The following CDC14B variants were observed in gnomAD, a reference collection of about 807,000 sequenced individuals.
CDC14B encodes cell division cycle 14B.
A neutral mutation model predicts 64.2 loss-of-function variants in CDC14B; 22 were observed. That is an observed-to-expected ratio of 0.34 (90% CI 0.24 to 0.49). CDC14B has a LOEUF of 0.49. CDC14B is among the 20% of genes least tolerant of loss of function. CDC14B has a pLI of 0.99. For synonymous variants in CDC14B, 191 were observed against 215.8 expected, an observed-to-expected ratio of 0.89 and a Z score of 1.01; for missense variants, 498 against 629.9, an observed-to-expected ratio of 0.79 and a Z score of 2.24.
Position 96,534,101 on chromosome 9 carries a change from T to C in CDC14B, c.772A>G (p.Thr258Ala), listed in dbSNP as rs770162257. 1.2e-6 allele frequency: 2 copies of C among 1,611,882 alleles called. No homozygotes were observed. Among genetic ancestry groups the C allele is most frequent in the South Asian group, 1.1e-5 (1 of 90,920 alleles). Residue 258 changes from threonine (T) to alanine (A), a missense_variant, in exon 9 of 14, where the codon ACT becomes GCT. Thr to Ala is a moderately conservative substitution (Grantham distance 58). Transcript: ENST00000375241. ...CTTTTATTCAGACGAATAATGGTAG[T>C]AACATTGTGATTCTTAAAATATTGA... The part of the protein sequence containing the change: ...YIQYFKNHNV[T>A]TIIRLNKRMY...
At chr9:96,536,195 C>T (rs1564274662) in intron 7 of CDC14B, among the ~76,000 whole-genome samples, 1 of 152,200 alleles carries the variant, frequency 6.6e-6, no homozygotes, top group Admixed American at 6.5e-5. Flanking sequence ...GGAACCTAAA[C>T]AGTTCCCTGT....
intron 4 of CDC14B, among the ~76,000 whole-genome samples, chr9:96,558,171 G>A (rs1842730434): frequency 6.6e-6 from 1 of 152,220 alleles, no homozygotes; most frequent in African/African-American, 2.4e-5. Context: ...GTCAGGGGGA[G>A]TGAAGAGAGG....
chr9:96,524,976 TATTTAGCAGGGGAG>T (rs1837339728), intron 9 of CDC14B, among the ~76,000 whole-genome samples: 1 of 152,200 alleles, frequency 6.6e-6, no homozygotes, highest in South Asian at 2.1e-4. Flanking sequence ...CAACCTTGCA[TATTTAGCAGGGGAG>T]ATTTGTAAGG....
intron 4 of CDC14B, among the ~76,000 whole-genome samples, chr9:96,557,024 G>T (rs191602049): frequency 2.6e-5 from 4 of 152,324 alleles, no homozygotes; most frequent in African/African-American, 9.6e-5. Context: ...AAGCTTAACG[G>T]ATCTGCAGTC....
chr9:96,575,791 C>T (rs1031958755), intron 1 of CDC14B, among the ~76,000 whole-genome samples: 2 of 152,094 alleles, frequency 1.3e-5, no homozygotes, highest in African/African-American at 4.8e-5. Context: ...TCAAGACCAA[C>T]CTGGACAAGA....
chr9:96,522,575 A>G lies in CDC14B; in HGVS notation c.1274T>C (p.Val425Ala). 1 of 1,612,982 alleles carries G rather than the reference A, an allele frequency of 6.2e-7. No homozygotes were observed. The highest frequency in any genetic ancestry group is 2.2e-5 in the East Asian group (1 of 44,876). ...GGCCCGAAGTCTATCACCTTGTGTC[A>G]CTCCATTGATTTCGTCATCATCACT... ...PYSDDDEING[V>A]TQGDRLRALK... Residue 425 changes from valine to alanine, a missense_variant, in exon 12 of 14, where the codon GTG becomes GCG. Coordinates refer to ENST00000375241, the MANE Select transcript of CDC14B (RefSeq NM_033331.4).
intron 1 of CDC14B, among the ~76,000 whole-genome samples, chr9:96,614,644 C>G: frequency 6.6e-6 from 1 of 151,902 alleles, no homozygotes; most frequent in Non-Finnish European, 1.5e-5. Flanking sequence ...GAATGGAGGT[C>G]CCTATTTAAG....
At position 96,562,796 on chromosome 9, in the gene CDC14B, A is replaced by G; in HGVS notation, c.328-11T>C. ...TAACATTGTAATGGACTGCATAAAA[A>G]TAAATAACTGTTAGCATTTTCTTTT... is the stretch of plus-strand genomic sequence containing the variant. On this transcript the variant is annotated splice_polypyrimidine_tract_variant and intron_variant, in intron 3 of 13. Transcript: ENST00000375241. 1 of 1,501,090 alleles carries G rather than the reference A, an allele frequency of 6.7e-7. No individual in the cohort carries two copies. Among genetic ancestry groups the G allele is most frequent in the Non-Finnish European group, 9.2e-7 (1 of 1,084,556 alleles). The allele number at this position is 1,501,090 out of a possible 1,614,324, so 93.0% of individuals were successfully genotyped here. A position where few individuals can be genotyped will look rare whatever the true frequency, so the allele number is the denominator to read the frequency against.
intron 1 of CDC14B, among the ~76,000 whole-genome samples, chr9:96,573,869 C>T (rs1264070025): frequency 2.6e-5 from 4 of 152,020 alleles, no homozygotes; most frequent in South Asian, 4.1e-4. Context: ...ACAAGAAGGC[C>T]GGGTGCAGTG....
chr9:96,526,349 C>T (rs57358776), intron 9 of CDC14B, among the ~76,000 whole-genome samples: 7,918 of 152,188 alleles, frequency 0.052, 699 homozygotes, highest in African/African-American at 0.18. Context: ...GCCTGGGAGA[C>T]AGAGCGAGAC....
chr9:96,602,861 A>AAAAG (rs767705358), intron 1 of CDC14B, among the ~76,000 whole-genome samples: 16 of 152,036 alleles, frequency 1.1e-4, no homozygotes, highest in Non-Finnish European at 1.8e-4. Context: ...GAGCACCTAT[A>AAAAG]TCATAGAAAC....
At chr9:96,534,600 T>G in intron 7 of CDC14B, 58 bp from the exon 8 acceptor site, 6 of 1,107,788 alleles carry the variant, frequency 5.4e-6, no homozygotes, top group Non-Finnish European at 6.8e-6. Flanking sequence ...ACAACCTCTC[T>G]ACTCAAGACT....
intron 12 of CDC14B, among the ~76,000 whole-genome samples, chr9:96,521,970 C>T (rs1160234135): frequency 6.6e-6 from 1 of 152,212 alleles, no homozygotes. Flanking sequence ...CATAGACATA[C>T]ATACACTCAG....
chr9:96,522,764 C>A lies in CDC14B; in HGVS notation c.1246-161G>T, dbSNP rs1352091473. Among the ~76,000 whole-genome samples, 5 of 152,166 alleles carry A rather than the reference C, an allele frequency of 3.3e-5. 1 individual carries two copies. The highest frequency in any genetic ancestry group is 6.5e-5 in the Admixed American group (1 of 15,278). ...AGCTTCAGGTGACATTTTAAGACAG[C>A]CAAAGTTGACTTTCAGAGACAACAC... On this transcript the variant is annotated intron_variant, in intron 11 of 13. Transcript: ENST00000375241.
chr9:96,563,479 C>T (rs948359557), intron 3 of CDC14B, among the ~76,000 whole-genome samples: 3 of 151,852 alleles, frequency 2.0e-5, no homozygotes, highest in African/African-American at 7.3e-5. Flanking sequence ...GGAGAAACTC[C>T]GTCTCTACTA....
rs1267959498 is a variant in CDC14B, at chr9:96,503,802, A to G, written c.1461-13T>C. ...TGAAATGGAGAGACTACAGGGGGAA[A>G]AAAAAGGATTTTTACCAGAAAGTTT... is the stretch of plus-strand genomic sequence containing the variant. On this transcript the variant is annotated splice_polypyrimidine_tract_variant and intron_variant, in intron 13 of 13. Transcript: ENST00000375241. The G allele has an allele frequency of 1.2e-6, 2 of 1,611,194 alleles. No individual in the cohort carries two copies. The highest frequency in any genetic ancestry group is 2.7e-5 in the African/African-American group (2 of 74,748).
intron 1 of CDC14B, among the ~76,000 whole-genome samples, chr9:96,615,429 G>A (rs1327461246): frequency 1.3e-5 from 2 of 152,192 alleles, no homozygotes; most frequent in Non-Finnish European, 1.5e-5. Flanking sequence ...ACACACACAC[G>A]AAGTATCCTG....
chr9:96,512,795 G>A (rs547460727), intron 12 of CDC14B, among the ~76,000 whole-genome samples: 137 of 151,714 alleles, frequency 9.0e-4, no homozygotes, highest in Admixed American at 2.8e-3. Context: ...GTTCTCATCC[G>A]CTCCCCTCGG....
At chr9:96,555,287 G>A (rs1198202378) in intron 4 of CDC14B, among the ~76,000 whole-genome samples, 2 of 152,136 alleles carry the variant, frequency 1.3e-5, no homozygotes, top group Non-Finnish European at 2.9e-5. Flanking sequence ...CCTCGCTCTG[G>A]GTACAGCAAG....
Sources: gnomAD v4.1 joint callset for allele counts (sites outside exome capture counted in the v4.1 genomes callset) on GRCh38, gnomAD v4.1.1 for gene constraint, MANE v1.5 for transcripts, NCBI Gene and HGNC (gene_info 2026-07-23, HGNC 2026-07-21) for gene names.